The following RAP1GAP2 variants were observed in gnomAD, a reference collection of about 807,000 sequenced individuals.
The protein encoded by RAP1GAP2 is rap1 GTPase-activating protein 2.
Under a neutral mutation model 95.0 loss-of-function variants are expected in RAP1GAP2, and 27 were observed. That is an observed-to-expected ratio of 0.28 (90% CI 0.21 to 0.39). The LOEUF (loss-of-function observed/expected upper bound fraction) is 0.39, where lower values mean the gene tolerates loss of function less well. Ranked by LOEUF, RAP1GAP2 falls within the 10% of genes least tolerant of loss-of-function variation. The probability of loss-of-function intolerance (pLI) is 1.00; values close to 1 mark genes in which losing one functional copy is unlikely to be tolerated. For synonymous variants in RAP1GAP2, 373 were observed against 380.9 expected (o/e 0.98, Z 0.24); for missense variants, 771 against 970.0 (o/e 0.79, Z 2.72).
chr17:2,849,073 ATG>A (rs1031476079), intron 2 of RAP1GAP2, among the ~76,000 whole-genome samples: 16 of 152,104 alleles, frequency 1.1e-4, no homozygotes, highest in African/African-American at 3.1e-4. Flanking sequence ...AGGTGTGTGT[ATG>A]TGTGTACCCT....
In RAP1GAP2 at chr17:3,003,679, C is replaced by T. The variant is rs1356005535; in HGVS notation, c.1201-1690C>T. 6.6e-6 allele frequency among the ~76,000 whole-genome samples: 1 copy of T among 152,212 alleles called. No homozygotes were observed. Among genetic ancestry groups the T allele is most frequent in the African/African-American group, 2.4e-5 (1 of 41,454 alleles). On this transcript the variant is annotated intron_variant, in intron 14 of 24. Transcript: ENST00000254695. This position sits in a 1 kb window ranked among gnomAD's most constrained non-coding sequence, Gnocchi z 4.1. ...CACCTGCATCTGCCTCTCTCCCTCCCTCCAAGCCCTCGCTGGAGGCCCTCG... is the reference window on the plus strand; with the variant it reads ...CACCTGCATCTGCCTCTCTCCCTCCTTCCAAGCCCTCGCTGGAGGCCCTCG...
intron 2 of RAP1GAP2, among the ~76,000 whole-genome samples, chr17:2,864,114 G>A (rs571618603): frequency 2.0e-5 from 3 of 151,078 alleles, no homozygotes; most frequent in South Asian, 2.1e-4. Context: ...TGTCCCGTAC[G>A]TAGCAGCATG....
chr17:2,879,419 A>G (rs1232755455), intron 2 of RAP1GAP2, among the ~76,000 whole-genome samples: 1 of 151,650 alleles, frequency 6.6e-6, no homozygotes, highest in Non-Finnish European at 1.5e-5. Flanking sequence ...CCCGGCCACA[A>G]AGCCCTTCTT....
intron 2 of RAP1GAP2, among the ~76,000 whole-genome samples, chr17:2,887,041 T>A (rs1264161088): frequency 6.6e-6 from 1 of 152,136 alleles, no homozygotes. Flanking sequence ...GCTAAGCAAA[T>A]ATTAGCTGAT....
Position 2,906,350 on chromosome 17 carries a change from CTGT to C in RAP1GAP2, c.165+989_165+991del, listed in dbSNP as rs1394773533. Among the ~76,000 whole-genome samples, 1 of 152,072 alleles carries C rather than the reference CTGT, an allele frequency of 6.6e-6. No individual in the cohort carries two copies. Among genetic ancestry groups the C allele is most frequent in the Non-Finnish European group, 1.5e-5 (1 of 68,018 alleles). ...AAGCAGATAAAACCCATCCATCTTC[CTGT>C]TGTTGTCCTGTATCCGATACCCATC... On this transcript the variant is annotated intron_variant, in intron 3 of 24. Transcript: ENST00000254695. This position sits in a 1 kb window ranked among gnomAD's most constrained non-coding sequence, Gnocchi z 4.3.
In RAP1GAP2 at chr17:3,003,791, A is replaced by T. The variant is rs914899267; in HGVS notation, c.1201-1578A>T. 2.0e-5 allele frequency among the ~76,000 whole-genome samples: 3 copies of T among 152,152 alleles called. No homozygotes were observed. The highest frequency in any genetic ancestry group is 4.4e-5 in the Non-Finnish European group (3 of 68,018). On this transcript the variant is annotated intron_variant, in intron 14 of 24. Transcript: ENST00000254695. This position sits in a 1 kb window ranked among gnomAD's most constrained non-coding sequence, Gnocchi z 4.1. ...ACCCAGATGTCCCCAAGAGGGGGGAACAACAAAGGCCTGGCCGCCTGGTTG... is the reference window on the plus strand; with the variant it reads ...ACCCAGATGTCCCCAAGAGGGGGGATCAACAAAGGCCTGGCCGCCTGGTTG...
intron 3 of RAP1GAP2, among the ~76,000 whole-genome samples, chr17:2,942,432 C>T (rs1342101562): frequency 2.0e-5 from 3 of 152,094 alleles, no homozygotes; most frequent in African/African-American, 7.2e-5. Context: ...GTTTGGTCCA[C>T]ATAGAGATTT....
chr17:2,812,708 G>A (rs1330606540), intron 2 of RAP1GAP2, among the ~76,000 whole-genome samples: 4 of 152,068 alleles, frequency 2.6e-5, no homozygotes, highest in African/African-American at 4.8e-5. Context: ...TTCTGATGCC[G>A]GCTGGGCGCA....
chr17:2,919,054 G>T (rs2042666481), intron 3 of RAP1GAP2, among the ~76,000 whole-genome samples: 2 of 152,138 alleles, frequency 1.3e-5, no homozygotes, highest in Admixed American at 1.3e-4. Context: ...CCTGATTTCT[G>T]CCCTGCCAGG....
At chr17:2,861,652 G>A (rs1037148062) in intron 2 of RAP1GAP2, among the ~76,000 whole-genome samples, 10 of 38,006 alleles carry the variant, frequency 2.6e-4, no homozygotes, top group African/African-American at 1.3e-3. Context: ...ATTTTTTTTG[G>A]GGGGGGGGAC....
intron 2 of RAP1GAP2, among the ~76,000 whole-genome samples, chr17:2,809,478 G>A (rs1005081696): frequency 6.6e-6 from 1 of 152,136 alleles, no homozygotes; most frequent in Non-Finnish European, 1.5e-5. Context: ...CCTGTGGCCC[G>A]CCAGCCGAGA....
chr17:2,927,373 T>C (rs955712121), intron 3 of RAP1GAP2, among the ~76,000 whole-genome samples: 9 of 151,754 alleles, frequency 5.9e-5, no homozygotes, highest in Middle Eastern at 3.4e-3. Context: ...CAGGATGGTC[T>C]CGATCTCCTG....
chr17:2,969,496 C>CTTTTTT lies in RAP1GAP2; in HGVS notation c.596+3871_596+3876dup, dbSNP rs34468461. Among the ~76,000 whole-genome samples the CTTTTTT allele has an allele frequency of 2.1e-3, 172 of 83,776 alleles. 5 individuals carry two copies. Among genetic ancestry groups the CTTTTTT allele is most frequent in the Middle Eastern group, 0.013 (1 of 76 alleles). 55.0% of individuals were successfully genotyped at this position (83,776 alleles called of 152,430 possible). A position where few individuals can be genotyped will look rare whatever the true frequency, so the allele number is the denominator to read the frequency against. On this transcript the variant is annotated intron_variant, in intron 8 of 24. Coordinates refer to ENST00000254695, the MANE Select transcript of RAP1GAP2 (RefSeq NM_015085.5). ...GTAAAGATGTGTAAATATATATATT[C>CTTTTTT]TTTTTTTTTTTTTTTTTTTTTTTGA...
At chr17:2,854,888 G>A (rs763279580) in intron 2 of RAP1GAP2, among the ~76,000 whole-genome samples, 5 of 152,164 alleles carry the variant, frequency 3.3e-5, no homozygotes, top group Non-Finnish European at 7.3e-5. Flanking sequence ...TGGGGGGAGG[G>A]GAGTGCGGAA....
rs748892438 is a variant in RAP1GAP2, at chr17:3,005,420, A to G, written c.1252A>G (p.Ser418Gly). The G allele has an allele frequency of 1.2e-6, 2 of 1,613,730 alleles. No homozygotes were observed. Among genetic ancestry groups the G allele is most frequent in the Non-Finnish European group, 1.7e-6 (2 of 1,179,678 alleles). ...DVPTFGPPLPSPPVFQKGPEF... is the reference protein window; with the variant it reads ...DVPTFGPPLPGPPVFQKGPEF... ...GCCCACCTTTGGTCCACCTCTGCCCAGTCCCCCCGTTTTCCAGAAGGTAGG... is the reference window on the plus strand; with the variant it reads ...GCCCACCTTTGGTCCACCTCTGCCCGGTCCCCCCGTTTTCCAGAAGGTAGG... Residue 418 changes from serine to glycine, a missense_variant, in exon 15 of 25, where the codon AGT becomes GGT. Coordinates refer to ENST00000254695, the MANE Select transcript of RAP1GAP2 (RefSeq NM_015085.5). This position sits in a 1 kb window ranked among gnomAD's most constrained non-coding sequence, Gnocchi z 5.2.
intron 12 of RAP1GAP2, among the ~76,000 whole-genome samples, chr17:2,993,930 C>T (rs543139083): frequency 2.6e-5 from 4 of 152,026 alleles, no homozygotes; most frequent in South Asian, 2.1e-4. Context: ...CTGTGGTCCC[C>T]GCTACTTGGC....
In RAP1GAP2 at chr17:2,759,842, A is replaced by G. The variant is rs374409978; in HGVS notation, c.50+4075A>G. On this transcript the variant is annotated intron_variant, in intron 1 of 25. Transcript: ENST00000637138. ...CTCAAGTGATGCATTTGCCTCCCGA[A>G]GTGTTGAGATTATAGATTTGAGCCA... 4.6e-5 allele frequency among the ~76,000 whole-genome samples: 7 copies of G among 152,234 alleles called. No homozygotes were observed. The South Asian group carries it at 1.5e-3, about 32-fold the overall frequency.
chr17:2,891,498 A>C (rs1597529309), intron 2 of RAP1GAP2, among the ~76,000 whole-genome samples: 1 of 146,930 alleles, frequency 6.8e-6, no homozygotes. Flanking sequence ...GCCCCTCCCT[A>C]CCCTCCCCCA....
chr17:2,796,995 G>A lies in RAP1GAP2; in HGVS notation c.44+424G>A, dbSNP rs2069108902. 6.6e-6 allele frequency among the ~76,000 whole-genome samples: 1 copy of A among 152,180 alleles called. No individual in the cohort carries two copies. Among genetic ancestry groups the A allele is most frequent in the South Asian group, 2.1e-4 (1 of 4,836 alleles). ...CAGTCCGTGTGACCGTGTGTGAGGT[G>A]TGTGCCTGTGCATGTGGGCAGCTGC... On this transcript the variant is annotated intron_variant, in intron 1 of 24. Transcript: ENST00000254695. This position sits in a 1 kb window ranked among gnomAD's most constrained non-coding sequence, Gnocchi z 4.7.
Sources: gnomAD v4.1 joint callset for allele counts (sites outside exome capture counted in the v4.1 genomes callset) on GRCh38, gnomAD v4.1.1 for gene constraint, Gnocchi (gnomAD v3.1) non-coding constraint, MANE v1.5 for transcripts, NCBI Gene and HGNC (gene_info 2026-07-23, HGNC 2026-07-21) for gene names.